DDAH1: variants seen among roughly 807,000 people sequenced by gnomAD.
DDAH1 encodes dimethylarginine dimethylaminohydrolase 1.
DDAH1 carries 19 observed loss-of-function variants against 28.8 expected under a neutral mutation model. That is an observed-to-expected ratio of 0.66 (90% CI 0.46 to 0.97). DDAH1 has a LOEUF of 0.97. Among genes scored for constraint, DDAH1 ranks in the 50% least tolerant of loss-of-function variants. The pLI is 0.00. For synonymous variants in DDAH1, 153 were observed against 154.4 expected (o/e 0.99, Z 0.07); for missense variants, 326 against 375.9 (o/e 0.87, Z 1.10).
chr1:85,431,466 G>A (rs1653685167), intron 1 of DDAH1, among the ~76,000 whole-genome samples: 2 of 151,764 alleles, frequency 1.3e-5, no homozygotes, highest in South Asian at 4.2e-4. Flanking sequence ...GGGACTGAAG[G>A]GGACTAGGCT....
At chr1:85,407,734 A>C (rs1364149497) in intron 1 of DDAH1, among the ~76,000 whole-genome samples, 1 of 152,220 alleles carries the variant, frequency 6.6e-6, no homozygotes, top group Non-Finnish European at 1.5e-5. Context: ...GTTATGAAAC[A>C]TTACCCTAAA....
Position 85,319,253 on chromosome 1 carries a change from G to A in DDAH1, c.*2199C>T, listed in dbSNP as rs11161597. ...CAGAGCAGAATGCAATGTAGAAGAG[G>A]CACACAGAGTCTAAGTGATTTCTCC... On this transcript the variant is annotated 3_prime_UTR_variant, in exon 6 of 6. Transcript: ENST00000284031. 25,045 of 152,114 alleles carry A rather than the reference G, an allele frequency of 0.16. 2,286 individuals are homozygous for A. Among genetic ancestry groups the A allele is most frequent in the Admixed American group, 0.22 (3,334 of 15,282 alleles). 9.4% of individuals were successfully genotyped at this position (152,114 alleles called of 1,614,324 possible). A position where few individuals can be genotyped will look rare whatever the true frequency, so the allele number is the denominator to read the frequency against.
intron 1 of DDAH1, among the ~76,000 whole-genome samples, chr1:85,371,824 C>T (rs1027137770): frequency 6.6e-6 from 1 of 152,196 alleles, no homozygotes; most frequent in South Asian, 2.1e-4. Flanking sequence ...ATGATTGCTG[C>T]ATAAGTAAGG....
intron 1 of DDAH1, among the ~76,000 whole-genome samples, chr1:85,462,807 C>CA (rs1655185744): frequency 6.6e-6 from 1 of 152,202 alleles, no homozygotes. Context: ...CAAAGGCAGG[C>CA]ACCAGCAGGA....
At chr1:85,348,375 C>T (rs994171707) in intron 4 of DDAH1, among the ~76,000 whole-genome samples, 9 of 152,266 alleles carry the variant, frequency 5.9e-5, no homozygotes, top group African/African-American at 2.2e-4. Flanking sequence ...ATCTCTGAAA[C>T]AATGCAGGGC....
intron 2 of DDAH1, among the ~76,000 whole-genome samples, chr1:85,472,758 G>T (rs1455690549): frequency 1.3e-5 from 2 of 152,090 alleles, no homozygotes; most frequent in African/African-American, 4.8e-5. Context: ...TACATGTGCG[G>T]GTTTGTGACA....
intron 1 of DDAH1, among the ~76,000 whole-genome samples, chr1:85,574,559 C>T (rs1659545185): frequency 6.6e-6 from 1 of 152,172 alleles, no homozygotes; most frequent in Admixed American, 6.5e-5. Context: ...CCCCCTAACT[C>T]CTCTCAGGCA....
In DDAH1 at chr1:85,478,936, T is replaced by C. The variant is rs550941335; in HGVS notation, c.-7+17230A>G. 3.2e-4 allele frequency among the ~76,000 whole-genome samples: 49 copies of C among 152,316 alleles called. No homozygotes were observed. In the South Asian group the frequency reaches 0.01, roughly 32 times the overall value. ...TGTATAATGCTGTATTCTATATAAT[T>C]GTATATTACTTTACAATATTCTAGA... On this transcript the variant is annotated intron_variant, in intron 2 of 6. Coordinates refer to the DDAH1 transcript ENST00000426972.
At chr1:85,353,669 CTTTAA>C (rs1649347867) in intron 2 of DDAH1, among the ~76,000 whole-genome samples, 1 of 151,960 alleles carries the variant, frequency 6.6e-6, no homozygotes, top group South Asian at 2.1e-4. Flanking sequence ...TACCAAGTTT[CTTTAA>C]TTCTTTCAAG....
chr1:85,420,024 C>A (rs2100612446), intron 1 of DDAH1, among the ~76,000 whole-genome samples: 1 of 152,154 alleles, frequency 6.6e-6, no homozygotes, highest in Admixed American at 6.5e-5. Context: ...AACTATCAAC[C>A]CTCTGGAGCT....
intron 4 of DDAH1, among the ~76,000 whole-genome samples, chr1:85,331,299 GAA>G (rs1647745237): frequency 6.6e-6 from 1 of 152,074 alleles, no homozygotes; most frequent in African/African-American, 2.4e-5. Flanking sequence ...TTGTTTCATG[GAA>G]CAATTTAGAA....
chr1:85,401,501 CT>C (rs34520534), intron 1 of DDAH1, among the ~76,000 whole-genome samples: 78,133 of 103,156 alleles, frequency 0.76, 28,426 homozygotes, highest in Middle Eastern at 0.82. Flanking sequence ...TTTTTTCTTT[CT>C]TTTTTTTTTT....
In DDAH1 at chr1:85,373,287, C is replaced by T. The variant is rs116547136; in HGVS notation, c.304-14440G>A. On this transcript the variant is annotated intron_variant, in intron 1 of 5. Coordinates refer to ENST00000284031, the MANE Select transcript of DDAH1 (RefSeq NM_012137.4). ...GGGCACAATGTAACATACTTTAGTGCTCAATGTCATTTAGAATCTGTGCAG... is the reference window on the plus strand; with the variant it reads ...GGGCACAATGTAACATACTTTAGTGTTCAATGTCATTTAGAATCTGTGCAG... Among the ~76,000 whole-genome samples, 1,059 of 152,186 alleles carry T rather than the reference C, an allele frequency of 7.0e-3. 12 individuals carry two copies. Among genetic ancestry groups the T allele is most frequent in the African/African-American group, 0.024 (1,009 of 41,534 alleles).
At chr1:85,357,626 G>T (rs928968011) in intron 2 of DDAH1, among the ~76,000 whole-genome samples, 19 of 152,344 alleles carry the variant, frequency 1.2e-4, no homozygotes, top group South Asian at 1.0e-3. Context: ...CACGCTTTCA[G>T]TGGGCCACTT....
intron 4 of DDAH1, among the ~76,000 whole-genome samples, chr1:85,342,366 CTGT>C (rs1466716563): frequency 6.6e-6 from 1 of 150,940 alleles, no homozygotes; most frequent in African/African-American, 2.4e-5. Context: ...AGATCAGGTC[CTGT>C]TGTTAGGTTT....
At chr1:85,560,846 A>G (rs1659117231) in intron 1 of DDAH1, among the ~76,000 whole-genome samples, 1 of 152,108 alleles carries the variant, frequency 6.6e-6, no homozygotes, top group African/African-American at 2.4e-5. Flanking sequence ...TCTAATTAAT[A>G]TTAATGTATA....
chr1:85,358,686 CAAGT>C lies in DDAH1; in HGVS notation c.403+58_403+61del, dbSNP rs1557517705. ...AAAAACACAAAAAACTATAATAAAACAAGTAAATACAAGCCAAGTATTAAAAATA... is the reference window on the plus strand; with the variant it reads ...AAAAACACAAAAAACTATAATAAAACAAATACAAGCCAAGTATTAAAAATA... On this transcript the variant is annotated intron_variant, in intron 2 of 5. Coordinates refer to ENST00000284031, the MANE Select transcript of DDAH1 (RefSeq NM_012137.4). The C allele has an allele frequency of 6.6e-6, 8 of 1,212,698 alleles. No individual in the cohort carries two copies. The East Asian group carries it at 1.7e-4, about 26-fold the overall frequency. The allele number at this position is 1,212,698 out of a possible 1,614,324, so 75.1% of individuals were successfully genotyped here. A position where few individuals can be genotyped will look rare whatever the true frequency, so the allele number is the denominator to read the frequency against.
chr1:85,464,803 G>T lies in DDAH1; in HGVS notation c.243C>A (p.Ala81=), dbSNP rs746174038. ...TGAGGGCCGTCTCCTCGCACACCAC[G>T]GCCACGTCCTCCACGAAGACGCAGT... is the stretch of plus-strand genomic sequence containing the variant. ...LPDCVFVEDV[A]VVCEETALIT... The change falls in exon 1 of 6, where the codon GCC becomes GCA. Residue 81 remains alanine, a synonymous_variant. Transcript: ENST00000284031. This position sits in a 1 kb window ranked among gnomAD's most constrained non-coding sequence, Gnocchi z 4.4. 1 of 1,586,140 alleles carries T rather than the reference G, an allele frequency of 6.3e-7. No individual in the cohort carries two copies.
At chr1:85,513,984 C>G (rs1352787158) in intron 1 of DDAH1, among the ~76,000 whole-genome samples, 2 of 152,128 alleles carry the variant, frequency 1.3e-5, no homozygotes, top group African/African-American at 4.8e-5. Flanking sequence ...ACCATTTGAC[C>G]CAGCAATCCC....
Sources: allele counts gnomAD v4.1 joint callset (sites outside exome capture counted in the v4.1 genomes callset), GRCh38; gene constraint gnomAD v4.1.1; non-coding constraint Gnocchi (gnomAD v3.1); transcripts MANE v1.5; gene names NCBI Gene and HGNC (gene_info 2026-07-23, HGNC 2026-07-21).